Variants in NKAIN2 observed in about 807,000 individuals in gnomAD.
NKAIN2 encodes sodium/potassium transporting ATPase interacting 2.
Under a neutral mutation model 32.6 loss-of-function variants are expected in NKAIN2, and 14 were observed. The ratio of observed to expected loss-of-function variants is 0.43; its 90% CI spans 0.28 to 0.67. The LOEUF (loss-of-function observed/expected upper bound fraction) is 0.67, where lower values mean the gene tolerates loss of function less well. Ranked by LOEUF, NKAIN2 falls within the 30% of genes least tolerant of loss-of-function variation. The pLI is 0.17. For missense variants in NKAIN2, 198 were observed against 258.3 expected (o/e 0.77, Z 1.60); for synonymous variants, 80 against 87.2 (o/e 0.92, Z 0.46).
intron 2 of NKAIN2, among the ~76,000 whole-genome samples, chr6:124,290,352 TTAAG>T (rs2058979821): frequency 1.3e-5 from 2 of 151,558 alleles, no homozygotes; most frequent in Admixed American, 1.3e-4. Context: ...TGTGATATGT[TTAAG>T]TATTAGTTTC....
intron 1 of NKAIN2, among the ~76,000 whole-genome samples, chr6:124,225,442 C>A (rs1484791491): frequency 1.3e-5 from 2 of 151,762 alleles, no homozygotes; most frequent in Non-Finnish European, 2.9e-5. Flanking sequence ...TAAAATAATC[C>A]ATTTGGAACT....
At chr6:124,537,251 A>G (rs1779750593) in intron 3 of NKAIN2, among the ~76,000 whole-genome samples, 1 of 152,216 alleles carries the variant, frequency 6.6e-6, no homozygotes, top group Non-Finnish European at 1.5e-5. Flanking sequence ...GGAAGAGGAA[A>G]TTAAAGTTCC....
At chr6:123,889,624 G>A (rs1773902539) in intron 1 of NKAIN2, among the ~76,000 whole-genome samples, 1 of 152,110 alleles carries the variant, frequency 6.6e-6, no homozygotes, top group Admixed American at 6.6e-5. Flanking sequence ...ATATAAAAGA[G>A]ACTCAGAGAA....
At chr6:123,953,055 G>A (rs546081745) in intron 1 of NKAIN2, among the ~76,000 whole-genome samples, 14 of 152,260 alleles carry the variant, frequency 9.2e-5, no homozygotes, top group African/African-American at 3.4e-4. Context: ...CTGAAGTTAT[G>A]TCTATGGTAT....
intron 3 of NKAIN2, among the ~76,000 whole-genome samples, chr6:124,555,479 C>G (rs1354071999): frequency 6.6e-6 from 1 of 152,156 alleles, no homozygotes; most frequent in Non-Finnish European, 1.5e-5. Context: ...AAGTCTCACT[C>G]TTAGTATGAA....
chr6:124,227,476 C>A (rs1208380541), intron 1 of NKAIN2, among the ~76,000 whole-genome samples: 1 of 152,110 alleles, frequency 6.6e-6, no homozygotes, highest in East Asian at 1.9e-4. Flanking sequence ...ATCTTTTAAT[C>A]TGTTTTTTAT....
At chr6:124,777,982 C>T (rs1779057653) in intron 4 of NKAIN2, among the ~76,000 whole-genome samples, 1 of 151,898 alleles carries the variant, frequency 6.6e-6, no homozygotes, top group Non-Finnish European at 1.5e-5. Context: ...CACAAACACA[C>T]ACACATGTAC....
chr6:124,411,498 T>C (rs1410924332), intron 3 of NKAIN2, among the ~76,000 whole-genome samples: 1 of 152,206 alleles, frequency 6.6e-6, no homozygotes, highest in Non-Finnish European at 1.5e-5. Context: ...TTAAGAATGC[T>C]GAATATTGGC....
At chr6:124,585,576 A>T (rs1781683827) in intron 3 of NKAIN2, among the ~76,000 whole-genome samples, 2 of 152,232 alleles carry the variant, frequency 1.3e-5, no homozygotes, top group South Asian at 4.1e-4. Flanking sequence ...TCAAACATGT[A>T]CTCACGAAGA....
chr6:123,966,548 G>A (rs973043444), intron 1 of NKAIN2, among the ~76,000 whole-genome samples: 1 of 152,084 alleles, frequency 6.6e-6, no homozygotes, highest in Admixed American at 6.6e-5. Flanking sequence ...TTTGTGCTCA[G>A]TAGTTTTAGA....
intron 1 of NKAIN2, among the ~76,000 whole-genome samples, chr6:124,118,804 A>C (rs1785741207): frequency 6.6e-6 from 1 of 152,140 alleles, no homozygotes. Context: ...TACAGGCCGG[A>C]GTAAATATTT....
Position 124,776,284 on chromosome 6 carries a change from T to C in NKAIN2, c.475-15055T>C, listed in dbSNP as rs1302666254. On this transcript the variant is annotated intron_variant, in intron 4 of 6. Transcript: ENST00000368417. ...CACTGACTAGCCCTTGGGTTTATTG[T>C]ACCCTACACTGGCTTCTTGCTGACA... 2.0e-5 allele frequency among the ~76,000 whole-genome samples: 3 copies of C among 152,320 alleles called. No individual in the cohort carries two copies. In the East Asian group the frequency reaches 5.8e-4, roughly 29 times the overall value.
chr6:124,725,751 G>A (rs1333988250), intron 4 of NKAIN2, among the ~76,000 whole-genome samples: 1 of 152,210 alleles, frequency 6.6e-6, no homozygotes, highest in Non-Finnish European at 1.5e-5. Context: ...CTCCCAGTGT[G>A]AGCGACGCAG....
intron 1 of NKAIN2, among the ~76,000 whole-genome samples, chr6:124,105,551 A>C (rs1340386650): frequency 6.6e-6 from 1 of 152,194 alleles, no homozygotes; most frequent in Non-Finnish European, 1.5e-5. Flanking sequence ...CACATGTAAG[A>C]GACTTCCATC....
chr6:123,977,959 G>C (rs1778714027), intron 1 of NKAIN2, among the ~76,000 whole-genome samples: 1 of 152,084 alleles, frequency 6.6e-6, no homozygotes, highest in Non-Finnish European at 1.5e-5. Flanking sequence ...TGAGGAGGAA[G>C]ATACAAAGCT....
intron 1 of NKAIN2, among the ~76,000 whole-genome samples, chr6:123,810,588 G>T (rs1207796546): frequency 6.6e-6 from 1 of 151,990 alleles, no homozygotes; most frequent in Admixed American, 6.6e-5. Flanking sequence ...ATGAAATAGG[G>T]TCTTGGAAAT....
intron 2 of NKAIN2, among the ~76,000 whole-genome samples, chr6:124,317,835 G>A (rs1797025756): frequency 6.6e-6 from 1 of 151,966 alleles, no homozygotes; most frequent in African/African-American, 2.4e-5. Context: ...GCTCATGCTT[G>A]TATTCAATAT....
At chr6:124,023,332 A>G (rs904113729) in intron 1 of NKAIN2, among the ~76,000 whole-genome samples, 1 of 151,956 alleles carries the variant, frequency 6.6e-6, no homozygotes. Context: ...TTCCTCTCTT[A>G]TCTGGCTCAC....
intron 3 of NKAIN2, among the ~76,000 whole-genome samples, chr6:124,466,823 T>C (rs1040164434): frequency 1.3e-5 from 2 of 152,048 alleles, no homozygotes; most frequent in Non-Finnish European, 2.9e-5. Flanking sequence ...TATGAAAATG[T>C]TCAATGGACG....
Sources: gnomAD v4.1 joint callset for allele counts (sites outside exome capture counted in the v4.1 genomes callset) on GRCh38, gnomAD v4.1.1 for gene constraint, MANE v1.5 for transcripts, NCBI Gene and HGNC (gene_info 2026-07-23, HGNC 2026-07-21) for gene names.